Variants in NEK4 observed in about 807,000 individuals in gnomAD.
The protein encoded by NEK4 is NIMA related kinase 4.
In NEK4, 86 loss-of-function variants were observed where a neutral mutation model predicts 98.4. The observed-to-expected ratio is 0.87, with a 90% confidence interval of 0.73 to 1.05. NEK4 has a LOEUF of 1.05. NEK4 is among the 50% of genes least tolerant of loss of function. The pLI, the probability that NEK4 is intolerant of heterozygous loss-of-function variation, is 0.00. For synonymous variants in NEK4, 328 were observed against 342.2 expected (o/e 0.96, Z 0.46); for missense variants, 898 against 950.3 (o/e 0.94, Z 0.72).
chr3:52,724,269 G>A (rs1033971422), intron 15 of NEK4, among the ~76,000 whole-genome samples: 1 of 93,944 alleles, frequency 1.1e-5, no homozygotes, highest in African/African-American at 4.4e-5. Flanking sequence ...ACACAAAACT[G>A]TCAAAAGACA....
rs538936391 is a variant in NEK4, at chr3:52,730,023, C to T, written c.2433+7563G>A. Among the ~76,000 whole-genome samples, 15 of 152,066 alleles carry T rather than the reference C, an allele frequency of 9.9e-5. 1 individual carries two copies. Among genetic ancestry groups the T allele is most frequent in the African/African-American group, 3.6e-4 (15 of 41,492 alleles). On this transcript the variant is annotated intron_variant, in intron 15 of 15. Transcript: ENST00000233027. ...CTCGGGAGCCTGAGGCAGGAGAATC[C>T]CTTGAAACCGGGAGGCAGAGATTGC...
intron 14 of NEK4, among the ~76,000 whole-genome samples, chr3:52,738,090 G>C (rs1426098406): frequency 6.6e-6 from 1 of 152,042 alleles, no homozygotes; most frequent in Non-Finnish European, 1.5e-5. Flanking sequence ...TGGGATTACA[G>C]GCATGAGCCA....
intron 4 of NEK4, among the ~76,000 whole-genome samples, chr3:52,764,903 G>A (rs752583434): frequency 1.0e-3 from 152 of 152,158 alleles, no homozygotes; most frequent in Non-Finnish European, 2.0e-3. Context: ...AGAAAGAGAA[G>A]AGAATTTCAC....
rs867963590 is a variant in NEK4, at chr3:52,726,721, G to A, written c.2433+10865C>T. 2.0e-5 allele frequency among the ~76,000 whole-genome samples: 3 copies of A among 151,644 alleles called. No individual in the cohort carries two copies. The South Asian group carries it at 6.2e-4, about 32-fold the overall frequency. On this transcript the variant is annotated intron_variant, in intron 15 of 15. Transcript: ENST00000233027. ...AGGAGTTCAAGACCTGCCTGGCCAA[G>A]ATGGTGAAACCCCGTCTCTACTAAA...
chr3:52,741,608 A>G, intron 12 of NEK4, 109 bp from the exon 13 acceptor site: 1 of 636,504 alleles, frequency 1.6e-6, no homozygotes, highest in Non-Finnish European at 2.8e-6. Flanking sequence ...CCTAGGTGCA[A>G]TATAACAGGA....
At chr3:52,763,725 C>A (rs1221512252) in intron 4 of NEK4, 101 bp from the exon 5 acceptor site, 2 of 817,376 alleles carry the variant, frequency 2.4e-6, no homozygotes, top group Non-Finnish European at 3.8e-6. Context: ...CATATGTCCA[C>A]ATAAGCAGAA....
intron 12 of NEK4, among the ~76,000 whole-genome samples, chr3:52,742,812 CAG>C (rs1300254482): frequency 2.0e-5 from 3 of 152,134 alleles, no homozygotes; most frequent in Non-Finnish European, 4.4e-5. Context: ...ATTTTTGAGA[CAG>C]AGTCTTGCTC....
rs1266741762 is a variant in NEK4 at position 52,752,088 on chromosome 3, A to G, written c.1212T>C (p.Ser404=). ...SNELGGICSI[S]QVEEEMLQDN... is the part of the protein sequence containing the mutation. ...CCTGCAGCATCTCCTCTTCCACTTG[A>G]GAAATACTGCATATACCTCCTAACT... The change falls in exon 7 of 16, where the codon TCT becomes TCC. Residue 404 remains serine, a synonymous_variant. Coordinates refer to ENST00000233027, the MANE Select transcript of NEK4 (RefSeq NM_003157.6). The G allele has an allele frequency of 6.2e-7, 1 of 1,614,114 alleles. No homozygotes were observed. Among genetic ancestry groups the G allele is most frequent in the African/African-American group, 1.3e-5 (1 of 74,940 alleles).
chr3:52,732,559 GA>G (rs1165334213), intron 15 of NEK4: 3 of 268,678 alleles, frequency 1.1e-5, no homozygotes, highest in South Asian at 4.9e-5. Flanking sequence ...GAAGCGGAAA[GA>G]AAAGGAATCA....
Position 52,768,340 on chromosome 3 carries a change from G to A in NEK4, c.358C>T (p.Gln120Ter). Reference protein sequence around the residue: ...EWFVQIAMALQYLHEKHILHR... With the variant: ...EWFVQIAMAL ...GATGCTATTAGTCTACACAGTACCTGCAAAGCCATGGCGATCTGTACAAAC... is the reference window on the plus strand; with the variant it reads ...GATGCTATTAGTCTACACAGTACCTACAAAGCCATGGCGATCTGTACAAAC... Residue 120 changes from glutamine to a stop codon, truncating the protein, a stop_gained and splice_region_variant, in exon 2 of 16, where the codon CAG (glutamine) becomes TAG (stop). Transcript: ENST00000233027. LOFTEE classifies it high-confidence loss of function. The A allele has an allele frequency of 1.2e-6, 2 of 1,614,050 alleles. No homozygotes were observed. Among genetic ancestry groups the A allele is most frequent in the Non-Finnish European group, 1.7e-6 (2 of 1,179,902 alleles).
intron 5 of NEK4, among the ~76,000 whole-genome samples, chr3:52,762,079 T>A (rs1698378416): frequency 6.6e-6 from 1 of 152,232 alleles, no homozygotes; most frequent in African/African-American, 2.4e-5. Context: ...CTGCCTCCTC[T>A]CTTTCCAAAT....
At chr3:52,713,604 G>A (rs1170454506) in intron 15 of NEK4, among the ~76,000 whole-genome samples, 2 of 131,142 alleles carry the variant, frequency 1.5e-5, no homozygotes, top group Non-Finnish European at 3.5e-5. Flanking sequence ...AGACCAGCCT[G>A]ACCAACATGG....
At chr3:52,767,338 T>C (rs2154107167) in intron 2 of NEK4, among the ~76,000 whole-genome samples, 1 of 152,084 alleles carries the variant, frequency 6.6e-6, no homozygotes, top group East Asian at 1.9e-4. Context: ...TTATACAAAG[T>C]CAGACGCACA....
Position 52,765,898 on chromosome 3 carries a change from T to G in NEK4, c.655A>C (p.Ile219Leu). 1 of 1,594,392 alleles carries G rather than the reference T, an allele frequency of 6.3e-7. No homozygotes were observed. Among genetic ancestry groups the G allele is most frequent in the Non-Finnish European group, 8.6e-7 (1 of 1,162,460 alleles). The change falls in exon 4 of 16, where the codon ATT becomes CTT. Residue 219 changes from isoleucine to leucine, a missense_variant. By Grantham distance (5) the Ile-to-Leu change is conservative. Coordinates refer to ENST00000233027, the MANE Select transcript of NEK4 (RefSeq NM_003157.6). ...AGATTATTCTTTACCTTTCCTTCAA[T>G]AATCCGATAAACTAAAGAATTCATA... ...KDMNSLVYRI[I>L]EGKLPPMPRD...
chr3:52,730,103 T>C (rs1283879312), intron 15 of NEK4, among the ~76,000 whole-genome samples: 1 of 152,076 alleles, frequency 6.6e-6, no homozygotes, highest in African/African-American at 2.4e-5. Context: ...CGAGACTCTA[T>C]CTCAAAAATA....
At chr3:52,758,554 C>T (rs1698220864) in intron 6 of NEK4, among the ~76,000 whole-genome samples, 1 of 146,900 alleles carries the variant, frequency 6.8e-6, no homozygotes, top group African/African-American at 2.5e-5. Flanking sequence ...GCTATGACAA[C>T]AAAATAAAAA....
Position 52,766,355 on chromosome 3 carries a change from GATGTGTTTTTC to G in NEK4, c.370_380del (p.Glu124ProfsTer34), listed in dbSNP as rs1354229632. ...TTTGAGTTTTCAGATCTCGATGAAG[GATGTGTTTTTC>G]ATGTAAATACTGAGGAAAGAAACAA... On this transcript the variant is annotated frameshift_variant, in exon 3 of 16. Transcript: ENST00000233027. LOFTEE classifies it high-confidence loss of function. The G allele has an allele frequency of 3.1e-6, 5 of 1,612,848 alleles. No individual in the cohort carries two copies. The highest frequency in any genetic ancestry group is 4.2e-6 in the Non-Finnish European group (5 of 1,178,996).
At chr3:52,723,766 G>A (rs1225587595) in intron 15 of NEK4, among the ~76,000 whole-genome samples, 1 of 150,420 alleles carries the variant, frequency 6.6e-6, no homozygotes, top group Admixed American at 6.6e-5. Flanking sequence ...CAGAGAAAGA[G>A]GAGAGAGAGG....
At chr3:52,754,848 C>T (rs950159739) in intron 6 of NEK4, among the ~76,000 whole-genome samples, 7 of 151,942 alleles carry the variant, frequency 4.6e-5, no homozygotes, top group East Asian at 3.9e-4. Flanking sequence ...CCAAGATGGG[C>T]GGATCACGAG....
Sources: allele counts gnomAD v4.1 joint callset (sites outside exome capture counted in the v4.1 genomes callset), GRCh38; gene constraint gnomAD v4.1.1; transcripts MANE v1.5; gene names NCBI Gene and HGNC (gene_info 2026-07-23, HGNC 2026-07-21).